Variants in LRRC2 observed in about 807,000 individuals in gnomAD.
LRRC2 encodes leucine-rich repeat-containing protein 2.
In LRRC2, 27 loss-of-function variants were observed where a neutral mutation model predicts 40.2. That is an observed-to-expected ratio of 0.67 (90% CI 0.49 to 0.93). The LOEUF (loss-of-function observed/expected upper bound fraction) is 0.93. Among genes scored for constraint, LRRC2 ranks in the 40% least tolerant of loss-of-function variants. LRRC2 has a pLI of 0.00. For missense variants in LRRC2, 402 were observed against 439.6 expected (o/e 0.91, Z 0.76); for synonymous variants, 147 against 158.9 (o/e 0.92, Z 0.56).
intron 2 of LRRC2, among the ~76,000 whole-genome samples, chr3:46,549,481 G>A (rs1433599344): frequency 6.6e-6 from 1 of 152,072 alleles, no homozygotes; most frequent in Admixed American, 6.5e-5. Flanking sequence ...CTCCTTATCT[G>A]CCCAGCCAAC....
intron 1 of LRRC2, chr3:46,558,177 A>G (rs1169883285): frequency 6.6e-6 from 1 of 152,296 alleles, no homozygotes; most frequent in Non-Finnish European, 1.5e-5. Context: ...CCACGCCAAA[A>G]AAAAGGCAGG....
chr3:46,527,681 A>G, intron 6 of LRRC2, 100 bp from the exon 7 acceptor site: 1 of 1,003,398 alleles, frequency 1.0e-6, no homozygotes, highest in Non-Finnish European at 1.5e-6. Context: ...TCCCTACTTT[A>G]TTTTATACAT....
chr3:46,530,381 A>G (rs1342552146), intron 5 of LRRC2, among the ~76,000 whole-genome samples: 1 of 152,132 alleles, frequency 6.6e-6, no homozygotes, highest in East Asian at 1.9e-4. Flanking sequence ...GAAGTTCAAG[A>G]CCAGCCTGGA....
chr3:46,532,791 T>C lies in LRRC2; in HGVS notation c.609A>G (p.Leu203=), dbSNP rs772994897. 1.2e-5 allele frequency: 19 copies of C among 1,613,620 alleles called. No homozygotes were observed. Among genetic ancestry groups the C allele is most frequent in the Non-Finnish European group, 1.6e-5 (19 of 1,179,758 alleles). Residue 203 remains leucine (L), a synonymous_variant, in exon 5 of 9, where the codon TTA becomes TTG. Coordinates refer to ENST00000395905, the MANE Select transcript of LRRC2 (RefSeq NM_024512.5). ...CTCTTACTTCAAAGGGCAGCTCCAT[T>C]AATTCTAGATTTCCAGAACAATCCA... ...ERLDCSGNLE[L]MELPFELSNL...
intron 1 of LRRC2, among the ~76,000 whole-genome samples, chr3:46,560,873 C>T (rs1241921538): frequency 1.3e-5 from 2 of 152,202 alleles, no homozygotes; most frequent in Non-Finnish European, 2.9e-5. Context: ...GTGTCATCAG[C>T]CATGTTCCTC....
intron 5 of LRRC2, among the ~76,000 whole-genome samples, chr3:46,530,348 G>A (rs1231285562): frequency 6.6e-6 from 1 of 152,152 alleles, no homozygotes; most frequent in African/African-American, 2.4e-5. Flanking sequence ...GGGAGGCTGA[G>A]GTGGACAGAT....
At position 46,532,820 on chromosome 3, in the gene LRRC2, T is replaced by G. The variant is rs1174258475; in HGVS notation, c.580A>C (p.Arg194=). The change falls in exon 5 of 9, where the codon AGA becomes CGA. Residue 194 remains arginine, a synonymous_variant. Transcript: ENST00000395905. ...TCTAGATTTCCAGAACAATCCAGTC[T>G]CTCTAGATTTTCACAATCTCCCAAT... ...PELGDCENLE[R]LDCSGNLELM... The G allele has an allele frequency of 6.2e-7, 1 of 1,613,836 alleles. No individual in the cohort carries two copies. The highest frequency in any genetic ancestry group is 8.5e-7 in the Non-Finnish European group (1 of 1,179,872).
At chr3:46,542,415 T>C (rs1011770265) in intron 3 of LRRC2, among the ~76,000 whole-genome samples, 6 of 151,554 alleles carry the variant, frequency 4.0e-5, no homozygotes, top group Non-Finnish European at 7.4e-5. Flanking sequence ...AAGGATCACT[T>C]GAGTCCAGGA....
chr3:46,527,389 G>C, intron 7 of LRRC2, 37 bp downstream of exon 7: 1 of 1,611,434 alleles, frequency 6.2e-7, no homozygotes, highest in Non-Finnish European at 8.5e-7. Flanking sequence ...CCTTACCTGT[G>C]TCTGAGTGTG....
rs1425319317 is a variant in LRRC2, at chr3:46,517,014, A to T, written c.*2000T>A. On this transcript the variant is annotated 3_prime_UTR_variant, in exon 9 of 9. Transcript: ENST00000395905. ...CACTCTCTCATGGGAATTTTCCATC[A>T]GGTCAAACCCAAGGCTGGAGTTAAA... The T allele has an allele frequency of 6.6e-6, 1 of 152,224 alleles. No individual in the cohort carries two copies. Among genetic ancestry groups the T allele is most frequent in the Non-Finnish European group, 1.5e-5 (1 of 68,042 alleles). The allele number at this position is 152,224 out of a possible 1,614,324, so 9.4% of individuals were successfully genotyped here.
At chr3:46,522,376 AAAATAAATAAAT>A (rs59264692) in intron 7 of LRRC2, among the ~76,000 whole-genome samples, 70 of 136,020 alleles carry the variant, frequency 5.1e-4, no homozygotes, top group East Asian at 4.8e-3. Flanking sequence ...CTCAATCTCA[AAAATAAATAAAT>A]AAATAAATAA....
chr3:46,535,137 G>T (rs1445478958), intron 4 of LRRC2, among the ~76,000 whole-genome samples: 7 of 152,160 alleles, frequency 4.6e-5, no homozygotes, highest in African/African-American at 1.7e-4. Context: ...ATAACTCAGA[G>T]TATCAAGAAG....
chr3:46,559,165 A>T (rs1448688482), intron 1 of LRRC2: 2 of 152,262 alleles, frequency 1.3e-5, no homozygotes, highest in African/African-American at 4.8e-5. Flanking sequence ...AGGAGTATCT[A>T]ACCTGCAAAG....
In LRRC2 at chr3:46,535,715, T is replaced by A. The variant is rs573096898; in HGVS notation, c.491-2806A>T. Among the ~76,000 whole-genome samples, 4 of 152,294 alleles carry A rather than the reference T, an allele frequency of 2.6e-5. No homozygotes were observed. In the South Asian group the frequency reaches 8.3e-4, roughly 32 times the overall value. ...ATATTTTGGGAACAAGTTAAATAAA[T>A]CATGCCATAATCATCACTCAGCTAC... On this transcript the variant is annotated intron_variant, in intron 4 of 8. Coordinates refer to ENST00000395905, the MANE Select transcript of LRRC2 (RefSeq NM_024512.5).
chr3:46,532,885 A>T lies in LRRC2; in HGVS notation c.515T>A (p.Leu172His). Residue 172 changes from leucine to histidine, a missense_variant, in exon 5 of 9, where the codon CTC becomes CAC. Transcript: ENST00000395905. Reference protein sequence around the residue: ...EIGCLKNLKELNVGFNYLKSI... With the variant: ...EIGCLKNLKEHNVGFNYLKSI... ...CTTCAGATAGTTGAAACCCACATTGAGTTCTTTCAGGTTCTTCAAACAACC... is the reference window on the plus strand; with the variant it reads ...CTTCAGATAGTTGAAACCCACATTGTGTTCTTTCAGGTTCTTCAAACAACC... 3 of 1,613,974 alleles carry T rather than the reference A, an allele frequency of 1.9e-6. No individual in the cohort carries two copies. In the South Asian group the frequency reaches 3.3e-5, roughly 18 times the overall value.
intron 7 of LRRC2, among the ~76,000 whole-genome samples, chr3:46,523,640 C>T (rs957006775): frequency 6.6e-6 from 1 of 152,084 alleles, no homozygotes; most frequent in African/African-American, 2.4e-5. Context: ...AACACATATC[C>T]ACTCATCTGT....
intron 8 of LRRC2, among the ~76,000 whole-genome samples, chr3:46,520,056 C>T (rs1351665273): frequency 6.6e-6 from 1 of 150,684 alleles, no homozygotes; most frequent in Non-Finnish European, 1.5e-5. Flanking sequence ...AATTAAAAAT[C>T]TATCATCTCT....
At chr3:46,564,008 G>T (rs988559824) in intron 1 of LRRC2, among the ~76,000 whole-genome samples, 4 of 152,168 alleles carry the variant, frequency 2.6e-5, no homozygotes, top group African/African-American at 9.7e-5. Context: ...TCAATGCCTA[G>T]GAACCCTAAG....
chr3:46,545,581 C>G (rs1449933611), intron 2 of LRRC2, among the ~76,000 whole-genome samples: 1 of 152,184 alleles, frequency 6.6e-6, no homozygotes, highest in Non-Finnish European at 1.5e-5. Flanking sequence ...ACTGATCTTT[C>G]AAGGGTATTT....
Sources: gnomAD v4.1 joint callset for allele counts (sites outside exome capture counted in the v4.1 genomes callset) on GRCh38, gnomAD v4.1.1 for gene constraint, MANE v1.5 for transcripts, NCBI Gene and HGNC (gene_info 2026-07-23, HGNC 2026-07-21) for gene names.